Variants in NDST3 observed in about 807,000 individuals in gnomAD.
NDST3 encodes N-deacetylase and N-sulfotransferase 3.
NDST3 carries 58 observed loss-of-function variants against 96.1 expected under a neutral mutation model. The observed-to-expected ratio is 0.60, with a 90% CI of 0.49 to 0.75. The LOEUF is 0.75. Among genes scored for constraint, NDST3 ranks in the 30% least tolerant of loss-of-function variants. The pLI is 0.00. For synonymous variants in NDST3, 333 were observed against 359.7 expected, an observed-to-expected ratio of 0.93 and a Z score of 0.84; for missense variants, 788 against 1,034.2, an observed-to-expected ratio of 0.76 and a Z score of 3.27.
intron 5 of NDST3, among the ~76,000 whole-genome samples, chr4:118,142,767 C>T (rs1182145167): frequency 1.3e-5 from 2 of 152,128 alleles, no homozygotes; most frequent in South Asian, 2.1e-4. Context: ...TCTTGCACAA[C>T]TTTAATTCAC....
chr4:118,042,256 C>T (rs1724514357), intron 1 of NDST3, among the ~76,000 whole-genome samples: 1 of 152,158 alleles, frequency 6.6e-6, no homozygotes, highest in Admixed American at 6.5e-5. Flanking sequence ...CCCAAGACTG[C>T]TACCTCCCCC....
chr4:118,238,195 GAAAGAAAGAAAGAA>G (rs1740794664), intron 10 of NDST3, among the ~76,000 whole-genome samples: 1 of 144,454 alleles, frequency 6.9e-6, no homozygotes, highest in African/African-American at 2.6e-5. Context: ...AAGAAAGAAA[GAAAGAAAGAAAGAA>G]AGAAAGAAAG....
Position 118,241,959 on chromosome 4 carries a change from A to G in NDST3, c.2290-81A>G, listed in dbSNP as rs185240387. ...TGCTCAGGACAGTGTCTCTCACTGAATGAGTTTAGAATGCAGAAATTTTTC... is the reference window on the plus strand; with the variant it reads ...TGCTCAGGACAGTGTCTCTCACTGAGTGAGTTTAGAATGCAGAAATTTTTC... On this transcript the variant is annotated intron_variant, in intron 11 of 13. Coordinates refer to ENST00000296499, the MANE Select transcript of NDST3 (RefSeq NM_004784.3). The G allele has an allele frequency of 8.0e-5, 74 of 930,458 alleles. 1 individual carries two copies. Among genetic ancestry groups the G allele is most frequent in the East Asian group, 7.0e-4 (29 of 41,550 alleles). 57.6% of individuals were successfully genotyped at this position (930,458 alleles called of 1,614,324 possible). A position where few individuals can be genotyped will look rare whatever the true frequency, so the allele number is the denominator to read the frequency against.
intron 6 of NDST3, among the ~76,000 whole-genome samples, chr4:118,202,757 G>A (rs944540498): frequency 2.6e-5 from 4 of 152,150 alleles, no homozygotes; most frequent in African/African-American, 7.2e-5. Flanking sequence ...TATGTTATCA[G>A]CAAACAGGGA....
chr4:118,246,948 CCTCATATA>C (rs1192536196), intron 12 of NDST3, among the ~76,000 whole-genome samples: 1 of 152,082 alleles, frequency 6.6e-6, no homozygotes, highest in African/African-American at 2.4e-5. Flanking sequence ...AAACTAGAAT[CCTCATATA>C]CTGCTAATGA....
chr4:118,066,547 TATATA>T (rs1294200230), intron 2 of NDST3, among the ~76,000 whole-genome samples: 212 of 97,674 alleles, frequency 2.2e-3, no homozygotes, highest in African/African-American at 5.6e-3. Flanking sequence ...ATATACATTA[TATATA>T]ATATGTTATA....
At chr4:118,167,532 G>C (rs528183663) in intron 6 of NDST3, among the ~76,000 whole-genome samples, 116 of 151,902 alleles carry the variant, frequency 7.6e-4, no homozygotes, top group African/African-American at 2.7e-3. Flanking sequence ...AATCCCAGTG[G>C]CATTTTTTAC....
At chr4:118,082,272 A>G (rs1385562020) in intron 2 of NDST3, among the ~76,000 whole-genome samples, 4 of 152,196 alleles carry the variant, frequency 2.6e-5, no homozygotes, top group Non-Finnish European at 4.4e-5. Flanking sequence ...AGCAGTGAAG[A>G]GTCTTGAGAT....
intron 6 of NDST3, among the ~76,000 whole-genome samples, chr4:118,201,430 C>T (rs1738079138): frequency 6.6e-6 from 1 of 152,210 alleles, no homozygotes. Context: ...CTTTTCTCCA[C>T]ATCTTCACCA....
intron 7 of NDST3, among the ~76,000 whole-genome samples, chr4:118,225,760 A>G (rs1739835193): frequency 1.3e-5 from 2 of 152,202 alleles, no homozygotes; most frequent in South Asian, 2.1e-4. Context: ...TCCTGAGCAC[A>G]CACAGATGAC....
At chr4:118,240,481 C>G in intron 10 of NDST3, 43 bp from the exon 11 acceptor site, 2 of 1,460,100 alleles carry the variant, frequency 1.4e-6, no homozygotes, top group Non-Finnish European at 1.8e-6. Context: ...ATTATTTATG[C>G]CTACGGTTCA....
chr4:118,123,072 T>C (rs1479388714), intron 4 of NDST3, among the ~76,000 whole-genome samples: 1 of 152,172 alleles, frequency 6.6e-6, no homozygotes, highest in Non-Finnish European at 1.5e-5. Flanking sequence ...AGGAATTATA[T>C]TTTTACACAA....
At chr4:118,251,108 A>ATTTT (rs1300326939) in intron 12 of NDST3, among the ~76,000 whole-genome samples, 1 of 138,722 alleles carries the variant, frequency 7.2e-6, no homozygotes, top group Non-Finnish European at 1.6e-5. Flanking sequence ...TTATTTATTT[A>ATTTT]TTTATTTATT....
intron 12 of NDST3, among the ~76,000 whole-genome samples, chr4:118,245,428 T>C (rs1741247731): frequency 6.6e-6 from 1 of 152,200 alleles, no homozygotes; most frequent in African/African-American, 2.4e-5. Flanking sequence ...TATAGTTGTT[T>C]GTTTGTTTTG....
intron 6 of NDST3, among the ~76,000 whole-genome samples, chr4:118,157,381 T>C (rs944425247): frequency 1.3e-5 from 2 of 150,404 alleles, no homozygotes; most frequent in Non-Finnish European, 3.0e-5. Flanking sequence ...AGGGGGTGAG[T>C]GGGAGAAACA....
intron 6 of NDST3, among the ~76,000 whole-genome samples, chr4:118,158,278 G>A (rs187243706): frequency 6.6e-6 from 1 of 152,198 alleles, no homozygotes; most frequent in East Asian, 1.9e-4. Flanking sequence ...CTAAATTCAA[G>A]TCAGATACAT....
At chr4:118,214,087 G>C (rs1396217425) in intron 6 of NDST3, among the ~76,000 whole-genome samples, 1 of 147,390 alleles carries the variant, frequency 6.8e-6, no homozygotes, top group African/African-American at 2.7e-5. Flanking sequence ...GATACAAAGA[G>C]GAAGTAGTCA....
intron 4 of NDST3, among the ~76,000 whole-genome samples, chr4:118,124,601 A>G (rs1731886740): frequency 6.6e-6 from 1 of 152,072 alleles, no homozygotes. Flanking sequence ...TATTCTCTTC[A>G]TGATAGTATC....
chr4:118,161,981 G>A (rs1735183406), intron 6 of NDST3, among the ~76,000 whole-genome samples: 1 of 152,166 alleles, frequency 6.6e-6, no homozygotes, highest in Non-Finnish European at 1.5e-5. Flanking sequence ...GCTGGGAGCT[G>A]TAGACCGGAG....
Sources: allele counts gnomAD v4.1 joint callset (sites outside exome capture counted in the v4.1 genomes callset), GRCh38; gene constraint gnomAD v4.1.1; transcripts MANE v1.5; gene names NCBI Gene and HGNC (gene_info 2026-07-23, HGNC 2026-07-21).